DMD: variants seen among roughly 807,000 people sequenced by gnomAD.
DMD encodes the protein dystrophin.
DMD carries 63 observed loss-of-function variants against 330.1 expected under a neutral mutation model. The observed-to-expected ratio is 0.19, with a 90% CI of 0.16 to 0.24. DMD has a LOEUF of 0.24. Among genes scored for constraint, DMD ranks in the 10% least tolerant of loss-of-function variants. The pLI is 1.00. For synonymous variants in DMD, 1,223 were observed against 959.8 expected, an observed-to-expected ratio of 1.27 and a Z score of -5.07; for missense variants, 3,344 against 2,684.1, an observed-to-expected ratio of 1.25 and a Z score of -5.43.
intron 1 of DMD, among the ~76,000 whole-genome samples, chrX:33,282,329 A>T (rs971518852): frequency 1.8e-5 from 2 of 111,562 alleles, no homozygotes; most frequent in South Asian, 3.8e-4. Context: ...GCCTATTGGG[A>T]ACAGACAGTG....
In DMD at chrX:32,135,243, A is replaced by C. The variant is rs759771079; in HGVS notation, c.6438+81673T>G. ...AGCTCTATCGGTTACAGCAGTAATA[A>C]AAAAACTTTTATGGAAAGTTCTCTG... is the stretch of plus-strand genomic sequence containing the variant. On this transcript the variant is annotated intron_variant, in intron 44 of 78. Transcript: ENST00000357033. 5.2e-4 allele frequency among the ~76,000 whole-genome samples: 59 copies of C among 112,710 alleles called. 1 individual carries two copies. Among genetic ancestry groups the C allele is most frequent in the Middle Eastern group, 4.6e-3 (1 of 217 alleles).
chrX:31,727,315 A>C (rs1358081636), intron 52 of DMD, among the ~76,000 whole-genome samples: 1 of 111,791 alleles, frequency 8.9e-6, no homozygotes, highest in African/African-American at 3.3e-5. Context: ...AACTTGTTGG[A>C]GAACCCTCAA....
In DMD at chrX:31,147,644, G is replaced by A. The variant is rs757050526; in HGVS notation, c.10554-126C>T. ...TAGATAGATGCATCTGACTGCCACC[G>A]AAGAACAGCAAGCAAAAGAGGCACT... On this transcript the variant is annotated intron_variant, in intron 74 of 78. Transcript: ENST00000357033. 7 of 495,530 alleles carry A rather than the reference G, an allele frequency of 1.4e-5. No individual in the cohort carries two copies. In the East Asian group the frequency reaches 2.6e-4, roughly 19 times the overall value. 40.8% of individuals were successfully genotyped at this position (495,530 alleles called of 1,213,427 possible).
intron 29 of DMD, among the ~76,000 whole-genome samples, chrX:32,435,676 G>C (rs1334086650): frequency 1.8e-5 from 2 of 110,829 alleles, no homozygotes; most frequent in Non-Finnish European, 3.8e-5. Flanking sequence ...GAGTGACAAT[G>C]GGGGAGGTAG....
chrX:32,630,234 G>A lies in DMD; in HGVS notation c.1331+13898C>T, dbSNP rs770022539. Among the ~76,000 whole-genome samples, 28 of 111,321 alleles carry A rather than the reference G, an allele frequency of 2.5e-4. 1 individual carries two copies. The East Asian group carries it at 7.4e-3, about 29-fold the overall frequency. ...TCTAGAATAAAAGTCTTTTCCTTCA[G>A]CACTTTAAATGTATCATGCCACTCT... On this transcript the variant is annotated intron_variant, in intron 11 of 78. Coordinates refer to ENST00000357033, the MANE Select transcript of DMD (RefSeq NM_004006.3).
chrX:31,499,657 AATTTTTGGTATTTTTAGTAGAG>A (rs370362662), intron 56 of DMD, among the ~76,000 whole-genome samples: 69 of 109,587 alleles, frequency 6.3e-4, no homozygotes, highest in African/African-American at 2.3e-3. Context: ...ACACCCAGCT[AATTTTTGGTATTTTTAGTAGAG>A]ATGGGGTTTC....
intron 60 of DMD, 108 bp from the exon 61 acceptor site, chrX:31,348,742 C>T: frequency 1.5e-6 from 1 of 652,904 alleles, no homozygotes. Context: ...AGACTGAGAA[C>T]ACTAAAGCAA....
intron 62 of DMD, among the ~76,000 whole-genome samples, chrX:31,286,516 G>A (rs1039403604): frequency 2.7e-5 from 3 of 111,867 alleles, no homozygotes; most frequent in South Asian, 7.6e-4. Flanking sequence ...GAGTTATCAT[G>A]GAACAAGTGA....
At chrX:31,530,120 A>T (rs975339620) in intron 55 of DMD, among the ~76,000 whole-genome samples, 5 of 111,566 alleles carry the variant, frequency 4.5e-5, no homozygotes, top group Non-Finnish European at 9.4e-5. Flanking sequence ...TTTTATGTTT[A>T]AAAAAATGGC....
chrX:32,777,975 C>A (rs1360014168), intron 7 of DMD, among the ~76,000 whole-genome samples: 1 of 111,926 alleles, frequency 8.9e-6, no homozygotes, highest in Non-Finnish European at 1.9e-5. Flanking sequence ...ATACAAGAAG[C>A]AATCCCAGCA....
chrX:32,715,565 C>T (rs1348817453), intron 7 of DMD, among the ~76,000 whole-genome samples: 3 of 106,614 alleles, frequency 2.8e-5, no homozygotes, highest in Non-Finnish European at 5.8e-5. Context: ...GAGGCCATGG[C>T]AGGCAGATAC....
chrX:32,480,374 A>ATG (rs113099165), intron 21 of DMD, among the ~76,000 whole-genome samples: 6,470 of 102,858 alleles, frequency 0.063, 186 homozygotes, highest in African/African-American at 0.084. Flanking sequence ...AATTTTATAA[A>ATG]TGTGTGTGTG....
chrX:31,688,927 T>C (rs1317303625), intron 52 of DMD, among the ~76,000 whole-genome samples: 1 of 111,889 alleles, frequency 8.9e-6, no homozygotes, highest in Non-Finnish European at 1.9e-5. Flanking sequence ...CAGCCCTTCA[T>C]GCTAAAAACT....
chrX:32,136,894 G>T (rs2096728494), intron 44 of DMD, among the ~76,000 whole-genome samples: 1 of 109,758 alleles, frequency 9.1e-6, no homozygotes, highest in Non-Finnish European at 1.9e-5. Flanking sequence ...AGCATTGGGA[G>T]ATTTACCTTA....
chrX:31,265,802 T>G (rs1004549383), intron 62 of DMD, among the ~76,000 whole-genome samples: 1,566 of 16,042 alleles, frequency 0.098, no homozygotes, highest in Middle Eastern at 0.18. Flanking sequence ...GGGGGGTGGG[T>G]GACAAGGAGA....
chrX:32,271,227 C>T (rs189698799), intron 43 of DMD, among the ~76,000 whole-genome samples: 198 of 111,923 alleles, frequency 1.8e-3, no homozygotes, highest in Non-Finnish European at 3.1e-3. Context: ...GACAAACAGA[C>T]AAAATTTGCC....
At chrX:32,875,432 T>C (rs1211675002) in intron 2 of DMD, among the ~76,000 whole-genome samples, 1 of 112,155 alleles carries the variant, frequency 8.9e-6, no homozygotes. Flanking sequence ...AGTGTTTCCA[T>C]GATAATTTTC....
At chrX:32,330,164 A>G (rs2097672116) in intron 41 of DMD, among the ~76,000 whole-genome samples, 1 of 112,270 alleles carries the variant, frequency 8.9e-6, no homozygotes, top group African/African-American at 3.2e-5. Context: ...TTTTAAGCAA[A>G]ATTATGTTAT....
intron 64 of DMD, among the ~76,000 whole-genome samples, chrX:31,212,180 G>A (rs6628589): frequency 1.3e-4 from 8 of 60,365 alleles, no homozygotes; most frequent in African/African-American, 4.8e-4. Flanking sequence ...GTGTGTGTAT[G>A]TGTGTGTGTG....
Sources: allele counts gnomAD v4.1 joint callset (sites outside exome capture counted in the v4.1 genomes callset), GRCh38; gene constraint gnomAD v4.1.1; transcripts MANE v1.5; gene names NCBI Gene and HGNC (gene_info 2026-07-23, HGNC 2026-07-21).